Variants in SYNDIG1L observed in about 807,000 individuals in gnomAD.
The protein encoded by SYNDIG1L is synapse differentiation inducing 1 like, also known as synapse differentiation-inducing gene protein 1-like.
A neutral mutation model predicts 20.1 loss-of-function variants in SYNDIG1L; 13 were observed. The observed-to-expected ratio is 0.65, with a 90% CI of 0.42 to 1.03. The LOEUF is 1.03. SYNDIG1L is among the 50% of genes least tolerant of loss of function. The probability of loss-of-function intolerance (pLI) is 0.00; values close to 1 mark genes in which losing one functional copy is unlikely to be tolerated. For missense variants in SYNDIG1L, 294 were observed against 305.1 expected (o/e 0.96, Z 0.27); for synonymous variants, 128 against 129.3 (o/e 0.99, Z 0.07).
the SYNDIG1L span, among the ~76,000 whole-genome samples, chr14:74,435,769 G>A: frequency 4.6e-5 from 7 of 152,202 alleles, no homozygotes; most frequent in Admixed American, 4.6e-4. Context: ...CATGTACAGG[G>A]GACTTTGTGT....
chr14:74,409,840 G>A, intron 1 of SYNDIG1L, 39 bp from the exon 2 acceptor site: 1 of 1,316,466 alleles, frequency 7.6e-7, no homozygotes, highest in East Asian at 2.8e-5. Context: ...TGAGGCCAGG[G>A]CACTGGAGGC....
At chr14:74,423,159 G>T (rs927468979) in intron 1 of SYNDIG1L, among the ~76,000 whole-genome samples, 3 of 152,142 alleles carry the variant, frequency 2.0e-5, no homozygotes, top group African/African-American at 7.2e-5. Context: ...AGCAAGGAGG[G>T]AACAAGAGGG....
At chr14:74,440,371 G>A in the SYNDIG1L span, among the ~76,000 whole-genome samples, 5,987 of 152,176 alleles carry the variant, frequency 0.039, 395 homozygotes, top group African/African-American at 0.14. Context: ...AAAATTAGCC[G>A]GGCGTGGTTG....
intron 1 of SYNDIG1L, among the ~76,000 whole-genome samples, chr14:74,424,025 T>C (rs1241142281): frequency 6.6e-6 from 1 of 152,160 alleles, no homozygotes; most frequent in Non-Finnish European, 1.5e-5. Flanking sequence ...ACATCAGAAA[T>C]ATAAATGGCT....
intron 2 of SYNDIG1L, among the ~76,000 whole-genome samples, chr14:74,408,685 C>T (rs145138816): frequency 0.011 from 1,652 of 151,886 alleles, 19 homozygotes; most frequent in South Asian, 0.021. Flanking sequence ...CTCAGGAATA[C>T]ATTAAATTAC....
intron 1 of SYNDIG1L, among the ~76,000 whole-genome samples, chr14:74,414,590 T>C (rs1286192781): frequency 6.6e-6 from 1 of 152,148 alleles, no homozygotes; most frequent in Non-Finnish European, 1.5e-5. Flanking sequence ...AATCATACAG[T>C]GTGACATTGG....
At chr14:74,421,286 T>C (rs1165655804) in intron 1 of SYNDIG1L, among the ~76,000 whole-genome samples, 1 of 152,126 alleles carries the variant, frequency 6.6e-6, no homozygotes, top group Non-Finnish European at 1.5e-5. Flanking sequence ...AGACTAGGCA[T>C]AGATAAAGTA....
At chr14:74,457,049 A>G in the SYNDIG1L span, among the ~76,000 whole-genome samples, 12 of 152,310 alleles carry the variant, frequency 7.9e-5, no homozygotes, top group South Asian at 1.5e-3. Context: ...TATCCGATGC[A>G]TGCTAAGCAT....
At chr14:74,427,014 TC>T (rs1566587044), upstream of SYNDIG1L, among the ~76,000 whole-genome samples, 1 of 151,190 alleles carries the variant, frequency 6.6e-6, no homozygotes, top group African/African-American at 2.4e-5. Context: ...TGAGTGAGCG[TC>T]CCCCTGAGTT....
Position 74,409,749 on chromosome 14 carries a change from C to CA in SYNDIG1L, c.-6_-5insT. The CA allele has an allele frequency of 7.0e-7, 1 of 1,424,542 alleles. No individual in the cohort carries two copies. The highest frequency in any genetic ancestry group is 1.9e-4 in the Middle Eastern group (1 of 5,284). The allele number at this position is 1,424,542 out of a possible 1,614,324, so 88.2% of individuals were successfully genotyped here. On this transcript the variant is annotated 5_prime_UTR_variant, in exon 2 of 4. The change creates a new upstream start codon in the 5' untranslated region. Coordinates refer to ENST00000331628, the MANE Select transcript of SYNDIG1L (RefSeq NM_001105579.2). ...TAGTTCACTCAGACTCTCCATGGTT[C>CA]TGGGGCAGCTGCTGGGGAGGGGGGC...
upstream of SYNDIG1L, among the ~76,000 whole-genome samples, chr14:74,426,466 C>T (rs2086267561): frequency 6.6e-6 from 1 of 152,158 alleles, no homozygotes; most frequent in Non-Finnish European, 1.5e-5. Context: ...CCCCTCCTCC[C>T]GCGCACCCCA....
chr14:74,422,973 A>G (rs947238283), intron 1 of SYNDIG1L, among the ~76,000 whole-genome samples: 4 of 152,102 alleles, frequency 2.6e-5, no homozygotes, highest in African/African-American at 4.8e-5. Flanking sequence ...TGCTGGGATT[A>G]CAGACGTGAG....
chr14:74,419,191 G>A (rs765765293), intron 1 of SYNDIG1L, among the ~76,000 whole-genome samples: 4 of 152,090 alleles, frequency 2.6e-5, no homozygotes, highest in Non-Finnish European at 4.4e-5. Context: ...TCTAGATTTC[G>A]CCTCCCTGGT....
At chr14:74,412,380 A>G (rs1482674091) in intron 1 of SYNDIG1L, among the ~76,000 whole-genome samples, 1 of 152,154 alleles carries the variant, frequency 6.6e-6, no homozygotes, top group Non-Finnish European at 1.5e-5. Flanking sequence ...TGTAAGCCGT[A>G]TGGATTTGGG....
the SYNDIG1L span, among the ~76,000 whole-genome samples, chr14:74,449,603 T>G: frequency 7.0e-6 from 1 of 142,226 alleles, no homozygotes; most frequent in Non-Finnish European, 1.5e-5. Context: ...AGAGCAAGAC[T>G]GTGCCTTAAA....
In SYNDIG1L at chr14:74,406,099, G is replaced by T; in HGVS notation, c.*1436C>A. The T allele has an allele frequency of 2.5e-6, 1 of 398,688 alleles. No individual in the cohort carries two copies. The highest frequency in any genetic ancestry group is 4.4e-6 in the Non-Finnish European group (1 of 226,158). The allele number at this position is 398,688 out of a possible 1,614,324, so 24.7% of individuals were successfully genotyped here. A position where few individuals can be genotyped will look rare whatever the true frequency, so the allele number is the denominator to read the frequency against. Reference sequence around the variant, plus strand: ...GGTTCCCACATCATGCACAGCAGGGGCCTGTAGCTTGAGTCCAGACAGGCC... The same window carrying T: ...GGTTCCCACATCATGCACAGCAGGGTCCTGTAGCTTGAGTCCAGACAGGCC... On this transcript the variant is annotated 3_prime_UTR_variant, in exon 4 of 4. Transcript: ENST00000331628.
chr14:74,470,354 G>T, the SYNDIG1L span, among the ~76,000 whole-genome samples: 6 of 152,178 alleles, frequency 3.9e-5, no homozygotes, highest in African/African-American at 1.4e-4. Context: ...CATTTTGCCT[G>T]TGGGTCTGGT....
At chr14:74,450,149 G>A in the SYNDIG1L span, among the ~76,000 whole-genome samples, 184 of 152,094 alleles carry the variant, frequency 1.2e-3, 2 homozygotes, top group Non-Finnish European at 2.0e-3. Flanking sequence ...AAAGACACAA[G>A]TACCAAAGCT....
chr14:74,432,286 C>G, the SYNDIG1L span, among the ~76,000 whole-genome samples: 1 of 152,222 alleles, frequency 6.6e-6, no homozygotes, highest in African/African-American at 2.4e-5. Context: ...GTCCCAGCAG[C>G]AAGCAGTGCT....
Sources: allele counts gnomAD v4.1 joint callset (sites outside exome capture counted in the v4.1 genomes callset), GRCh38; gene constraint gnomAD v4.1.1; transcripts MANE v1.5; gene names NCBI Gene and HGNC (gene_info 2026-07-23, HGNC 2026-07-21).